Variants in WNT3A observed in about 807,000 individuals in gnomAD.
The protein encoded by WNT3A is Wnt family member 3A.
Under a neutral mutation model 37.0 loss-of-function variants are expected in WNT3A, and 17 were observed. The ratio of observed to expected loss-of-function variants is 0.46; its 90% CI spans 0.31 to 0.69. WNT3A has a LOEUF of 0.69. Ranked by LOEUF, WNT3A falls within the 30% of genes least tolerant of loss-of-function variation. The pLI is 0.05. For synonymous variants in WNT3A, 187 were observed against 211.0 expected, an observed-to-expected ratio of 0.89 and a Z score of 0.99; for missense variants, 411 against 510.2, an observed-to-expected ratio of 0.81 and a Z score of 1.87.
chr1:228,054,391 G>A (rs1183556445), intron 3 of WNT3A, among the ~76,000 whole-genome samples: 2 of 152,064 alleles, frequency 1.3e-5, no homozygotes, highest in East Asian at 1.9e-4. Flanking sequence ...TTGGGAGGCC[G>A]AGGTGGGCGG....
intron 2 of WNT3A, among the ~76,000 whole-genome samples, chr1:228,034,098 C>G (rs892445224): frequency 7.9e-5 from 12 of 152,070 alleles, no homozygotes; most frequent in Non-Finnish European, 1.8e-4. Context: ...CCTGTCTCTA[C>G]TAAAAATACA....
At chr1:228,027,089 C>T (rs1209437995) in intron 2 of WNT3A, among the ~76,000 whole-genome samples, 4 of 152,180 alleles carry the variant, frequency 2.6e-5, no homozygotes, top group East Asian at 1.9e-4. Context: ...GTGATCCACC[C>T]GCCTCAGCCT....
At chr1:228,010,168 G>T (rs2030327068) in intron 1 of WNT3A, among the ~76,000 whole-genome samples, 1 of 152,262 alleles carries the variant, frequency 6.6e-6, no homozygotes, top group African/African-American at 2.4e-5. Flanking sequence ...GGACAGGGCA[G>T]CTGCGCTGCA....
chr1:228,039,141 A>C lies in WNT3A; in HGVS notation c.314-11515A>C, dbSNP rs1419554284. ...TGCCAGGGGAAAGAGACGAAGCCAC[A>C]GGTTTCCAGGGGCTGGGGACAGCAT... On this transcript the variant is annotated intron_variant, in intron 2 of 3. Transcript: ENST00000284523. This position sits in a 1 kb window ranked among gnomAD's most constrained non-coding sequence, Gnocchi z 4.1. 6.6e-6 allele frequency among the ~76,000 whole-genome samples: 1 copy of C among 152,062 alleles called. No homozygotes were observed. The highest frequency in any genetic ancestry group is 1.5e-5 in the Non-Finnish European group (1 of 67,998).
chr1:228,044,134 A>G (rs2031348376), intron 2 of WNT3A, among the ~76,000 whole-genome samples: 1 of 152,040 alleles, frequency 6.6e-6, no homozygotes, highest in African/African-American at 2.4e-5. Context: ...GATGCACACC[A>G]CCATGCCCAG....
rs967019362 is a variant in WNT3A, at chr1:228,008,900, G to A, written c.71+1701G>A. ...GCATGTATACCTCCTTTTCACCTGG[G>A]CCCCCTGTGTTCTACCCTGAATGGA... is the stretch of plus-strand genomic sequence containing the variant. On this transcript the variant is annotated intron_variant, in intron 1 of 3. Coordinates refer to ENST00000284523, the MANE Select transcript of WNT3A (RefSeq NM_033131.4). The surrounding 1 kb of genome is among the most constrained non-coding windows in gnomAD (Gnocchi z 4.9). Among the ~76,000 whole-genome samples, 3 of 152,022 alleles carry A rather than the reference G, an allele frequency of 2.0e-5. No individual in the cohort carries two copies. The highest frequency in any genetic ancestry group is 6.6e-5 in the Admixed American group (1 of 15,236).
In WNT3A at chr1:228,042,142, C is replaced by A. The variant is rs1371693951; in HGVS notation, c.314-8514C>A. 1.3e-5 allele frequency among the ~76,000 whole-genome samples: 2 copies of A among 152,124 alleles called. No homozygotes were observed. The highest frequency in any genetic ancestry group is 2.9e-5 in the Non-Finnish European group (2 of 68,022). ...TACAGGTGCACGCCACCATGCCCCG[C>A]TGATTTTTGTATTTTTAGTAGAGAC... is the stretch of plus-strand genomic sequence containing the variant. On this transcript the variant is annotated intron_variant, in intron 2 of 3. Coordinates refer to ENST00000284523, the MANE Select transcript of WNT3A (RefSeq NM_033131.4). The surrounding 1 kb of genome is among the most constrained non-coding windows in gnomAD (Gnocchi z 5.2).
intron 1 of WNT3A, among the ~76,000 whole-genome samples, chr1:228,009,245 C>G (rs1215737744): frequency 6.6e-6 from 1 of 152,134 alleles, no homozygotes; most frequent in East Asian, 1.9e-4. Flanking sequence ...CCTCTCTGCT[C>G]CCAGGCAGGC....
At chr1:228,053,440 A>C (rs1168468691) in intron 3 of WNT3A, among the ~76,000 whole-genome samples, 1 of 152,236 alleles carries the variant, frequency 6.6e-6, no homozygotes. Context: ...ACAGTCCAAA[A>C]AAGCACTCAC....
chr1:228,020,737 T>C (rs1469817391), intron 1 of WNT3A, among the ~76,000 whole-genome samples: 1 of 152,160 alleles, frequency 6.6e-6, no homozygotes, highest in Admixed American at 6.5e-5. Flanking sequence ...GAGCCGACTG[T>C]GCAAGGACAG....
intron 2 of WNT3A, among the ~76,000 whole-genome samples, chr1:228,029,736 G>GCCCC: frequency 6.8e-6 from 1 of 146,568 alleles, no homozygotes; most frequent in East Asian, 2.3e-4. Flanking sequence ...GAATGCTTGT[G>GCCCC]CCCACCCCCC....
Position 228,029,820 on chromosome 1 carries a change from G to C in WNT3A, c.313+6912G>C, listed in dbSNP as rs80204653. Reference sequence around the variant, plus strand: ...GGTGGGGCCTTTGGGAGGTGGTCAGGTCATGAGGATAAAGCCTCATGAGTG... The same window carrying C: ...GGTGGGGCCTTTGGGAGGTGGTCAGCTCATGAGGATAAAGCCTCATGAGTG... On this transcript the variant is annotated intron_variant, in intron 2 of 3. Transcript: ENST00000284523. Among the ~76,000 whole-genome samples the C allele has an allele frequency of 3.6e-3, 542 of 151,974 alleles. 11 individuals carry two copies. Among genetic ancestry groups the C allele is most frequent in the East Asian group, 0.031 (158 of 5,130 alleles).
chr1:228,028,268 TG>T (rs2030902579), intron 2 of WNT3A, among the ~76,000 whole-genome samples: 1 of 151,070 alleles, frequency 6.6e-6, no homozygotes, highest in South Asian at 2.1e-4. Context: ...TTTGGCTATT[TG>T]GGATCTTTTT....
At chr1:228,028,513 G>A (rs886984221) in intron 2 of WNT3A, among the ~76,000 whole-genome samples, 3 of 151,750 alleles carry the variant, frequency 2.0e-5, no homozygotes, top group Admixed American at 6.6e-5. Flanking sequence ...TAATAGAGAC[G>A]GAGTTTTGCC....
Position 228,059,107 on chromosome 1 carries a change from A to T in WNT3A, c.701A>T (p.Lys234Met), listed in dbSNP as rs540131703. 9 of 1,613,786 alleles carry T rather than the reference A, an allele frequency of 5.6e-6. No individual in the cohort carries two copies. The East Asian group carries it at 2.0e-4, about 36-fold the overall frequency. The change falls in exon 4 of 4, where the codon AAG (lysine) becomes ATG (methionine). Residue 234 changes from lysine to methionine, a missense_variant. Transcript: ENST00000284523. ...FRAIGDFLKD[K>M]YDSASEMVVE... is the part of the protein sequence containing the mutation. ...GCCATCGGTGACTTCCTCAAGGACA[A>T]GTACGACAGCGCCTCGGAGATGGTG...
rs151253698 is a variant in WNT3A, at chr1:228,050,696, C to T, written c.354C>T (p.Ala118=). The change falls in exon 3 of 4, where the codon GCC becomes GCT. Residue 118 remains alanine (A), a synonymous_variant. Coordinates refer to ENST00000284523, the MANE Select transcript of WNT3A (RefSeq NM_033131.4). The surrounding 1 kb of genome is among the most constrained non-coding windows in gnomAD (Gnocchi z 5.0). ...ESAFVHAIAS[A]GVAFAVTRSC... ...CCTTTGTCCACGCCATTGCCTCAGC[C>T]GGTGTGGCCTTTGCAGTGACACGCT... 30 of 1,612,576 alleles carry T rather than the reference C, an allele frequency of 1.9e-5. No individual in the cohort carries two copies. The highest frequency in any genetic ancestry group is 8.9e-5 in the East Asian group (4 of 44,844).
At chr1:228,051,928 A>G (rs1043330216) in intron 3 of WNT3A, among the ~76,000 whole-genome samples, 3 of 152,160 alleles carry the variant, frequency 2.0e-5, no homozygotes, top group Middle Eastern at 3.2e-3. Flanking sequence ...ACTCATTATC[A>G]TGAGGACAGC....
intron 3 of WNT3A, among the ~76,000 whole-genome samples, chr1:228,055,945 A>T (rs1470736065): frequency 6.6e-6 from 1 of 151,998 alleles, no homozygotes; most frequent in Non-Finnish European, 1.5e-5. Context: ...CAAAGTGAAA[A>T]TTTTCTCTCT....
chr1:228,026,162 A>G (rs1046495982), intron 2 of WNT3A, among the ~76,000 whole-genome samples: 2 of 151,838 alleles, frequency 1.3e-5, no homozygotes, highest in African/African-American at 4.8e-5. Flanking sequence ...TTGATCCTCA[A>G]CTGTAACCCT....
Sources: allele counts gnomAD v4.1 joint callset (sites outside exome capture counted in the v4.1 genomes callset), GRCh38; gene constraint gnomAD v4.1.1; non-coding constraint Gnocchi (gnomAD v3.1); transcripts MANE v1.5; gene names NCBI Gene and HGNC (gene_info 2026-07-23, HGNC 2026-07-21).